Variants in COMMD10 observed in about 807,000 individuals in gnomAD.
The protein encoded by COMMD10 is COMM domain containing 10, also known as COMM domain-containing protein 10.
A neutral mutation model predicts 28.9 loss-of-function variants in COMMD10; 33 were observed. That is an observed-to-expected ratio of 1.14 (90% confidence interval 0.87 to 1.53). COMMD10 has a LOEUF of 1.53. Among genes scored for constraint, COMMD10 ranks in the 40% most tolerant of loss-of-function variants. COMMD10 has a pLI of 0.00. For synonymous variants in COMMD10, 110 were observed against 81.7 expected (o/e 1.35, Z -1.87); for missense variants, 310 against 233.4 (o/e 1.33, Z -2.14).
chr5:116,172,671 G>C (rs189653207), intron 5 of COMMD10, among the ~76,000 whole-genome samples: 3 of 152,116 alleles, frequency 2.0e-5, no homozygotes, highest in African/African-American at 7.2e-5. Context: ...ATACTCCAGG[G>C]TATCTTTTAG....
At chr5:116,236,504 CAAA>C (rs34066036) in intron 5 of COMMD10, among the ~76,000 whole-genome samples, 2 of 79,610 alleles carry the variant, frequency 2.5e-5, no homozygotes, top group Admixed American at 1.5e-4. Context: ...GACTCCGTCT[CAAA>C]AAAAAAAAAA....
rs776906455 is a variant in COMMD10 at position 116,265,210 on chromosome 5, C to T, written c.511-26307C>T. Among the ~76,000 whole-genome samples, 19 of 151,770 alleles carry T rather than the reference C, an allele frequency of 1.3e-4. 1 individual carries two copies. The highest frequency in any genetic ancestry group is 1.9e-4 in the Non-Finnish European group (13 of 68,006). ...TGTGGGAAAGGAGGCCAACTCTCCA[C>T]ATGCTCTTTCTGCTAGAGCATAATA... On this transcript the variant is annotated intron_variant, in intron 5 of 6. Coordinates refer to ENST00000274458, the MANE Select transcript of COMMD10 (RefSeq NM_016144.4).
At chr5:116,276,224 A>G (rs1404174555) in intron 5 of COMMD10, among the ~76,000 whole-genome samples, 4 of 151,604 alleles carry the variant, frequency 2.6e-5, no homozygotes, top group Admixed American at 6.6e-5. Flanking sequence ...ATATATAAGC[A>G]TGTGAAGCAT....
chr5:116,236,926 C>G (rs1749680422), intron 5 of COMMD10, among the ~76,000 whole-genome samples: 1 of 151,932 alleles, frequency 6.6e-6, no homozygotes, highest in African/African-American at 2.4e-5. Flanking sequence ...ATCTTCCTCT[C>G]AATTTTGCTG....
At chr5:116,105,920 C>A (rs994202686) in intron 4 of COMMD10, among the ~76,000 whole-genome samples, 1 of 141,698 alleles carries the variant, frequency 7.1e-6, no homozygotes, top group Non-Finnish European at 1.5e-5. Context: ...CTCCTGGATT[C>A]ATTGATTTTT....
intron 5 of COMMD10, among the ~76,000 whole-genome samples, chr5:116,169,212 A>G (rs1434875211): frequency 6.6e-6 from 1 of 152,204 alleles, no homozygotes; most frequent in African/African-American, 2.4e-5. Flanking sequence ...AGAGAATACT[A>G]TAAACACCTC....
At chr5:116,278,849 A>G (rs1234383656) in intron 5 of COMMD10, among the ~76,000 whole-genome samples, 1 of 151,828 alleles carries the variant, frequency 6.6e-6, no homozygotes, top group Admixed American at 6.6e-5. Flanking sequence ...TTTAGCCCAT[A>G]TATTTTCTGA....
At chr5:116,251,021 C>G (rs935141711) in intron 5 of COMMD10, among the ~76,000 whole-genome samples, 3 of 151,950 alleles carry the variant, frequency 2.0e-5, no homozygotes, top group African/African-American at 7.3e-5. Context: ...AGTGAAATTC[C>G]TGCCTAAAGT....
rs200284278 is a variant in COMMD10, at chr5:116,192,265, C to A, written c.510+58087C>A. Among the ~76,000 whole-genome samples the A allele has an allele frequency of 0.014, 1,078 of 74,538 alleles. 47 individuals are homozygous for A. The East Asian group carries it at 0.17, about 12-fold the overall frequency. 48.9% of individuals were successfully genotyped at this position (74,538 alleles called of 152,430 possible). A position where few individuals can be genotyped will look rare whatever the true frequency, so the allele number is the denominator to read the frequency against. On this transcript the variant is annotated intron_variant, in intron 5 of 6. Coordinates refer to ENST00000274458, the MANE Select transcript of COMMD10 (RefSeq NM_016144.4). ...GACAAAAGAAGGCTCTTTAACAACC[C>A]CCCCCCCCAAAAATAACACTAGTTC...
chr5:116,237,426 C>A (rs1749696487), intron 5 of COMMD10, among the ~76,000 whole-genome samples: 1 of 151,880 alleles, frequency 6.6e-6, no homozygotes. Context: ...TTACAAATCA[C>A]ATGATTTTCA....
At chr5:116,107,964 C>T (rs1034559831) in intron 4 of COMMD10, among the ~76,000 whole-genome samples, 4 of 152,184 alleles carry the variant, frequency 2.6e-5, no homozygotes, top group Non-Finnish European at 5.9e-5. Context: ...GCTGGATGTC[C>T]ACTCCAGACC....
At chr5:116,175,387 G>A (rs1190244435) in intron 5 of COMMD10, among the ~76,000 whole-genome samples, 1 of 152,072 alleles carries the variant, frequency 6.6e-6, no homozygotes, top group African/African-American at 2.4e-5. Flanking sequence ...TTAAATGGCA[G>A]CATGAAAAGA....
Position 116,094,556 on chromosome 5 carries a change from CAT to C in COMMD10, c.399+1859_399+1860del, listed in dbSNP as rs1261179035. 5.3e-5 allele frequency among the ~76,000 whole-genome samples: 8 copies of C among 152,250 alleles called. No individual in the cohort carries two copies. The East Asian group carries it at 1.5e-3, about 29-fold the overall frequency. On this transcript the variant is annotated intron_variant, in intron 4 of 6. Coordinates refer to ENST00000274458, the MANE Select transcript of COMMD10 (RefSeq NM_016144.4). ...GAGGATGTGGAGAAAAGGGAACTCT[CAT>C]ATGCTTTTGGTGGCAATGTATATTA...
At chr5:116,125,494 G>A (rs1004918197) in intron 4 of COMMD10, among the ~76,000 whole-genome samples, 1 of 151,834 alleles carries the variant, frequency 6.6e-6, no homozygotes, top group Admixed American at 6.6e-5. Flanking sequence ...TTTTTCCTTT[G>A]TTTCAACTCT....
chr5:116,128,497 A>T (rs1451788579), intron 4 of COMMD10, among the ~76,000 whole-genome samples: 1 of 151,062 alleles, frequency 6.6e-6, no homozygotes, highest in Non-Finnish European at 1.5e-5. Context: ...TACACAGGAT[A>T]GTTTTATTTT....
chr5:116,129,351 A>G (rs1023915466), intron 4 of COMMD10, among the ~76,000 whole-genome samples: 3 of 145,860 alleles, frequency 2.1e-5, no homozygotes, highest in Non-Finnish European at 3.0e-5. Context: ...AGTATAGTAT[A>G]TATATGCTAT....
chr5:116,165,475 C>A (rs1295264449), intron 5 of COMMD10, among the ~76,000 whole-genome samples: 1 of 152,160 alleles, frequency 6.6e-6, no homozygotes, highest in African/African-American at 2.4e-5. Context: ...ATTTATTTCT[C>A]ACAGTTCTGG....
chr5:116,100,020 A>G (rs1750605542), intron 4 of COMMD10, among the ~76,000 whole-genome samples: 1 of 152,166 alleles, frequency 6.6e-6, no homozygotes, highest in Non-Finnish European at 1.5e-5. Context: ...TATGTTTCAA[A>G]TACACCTTAT....
intron 5 of COMMD10, among the ~76,000 whole-genome samples, chr5:116,145,267 C>G (rs1044157369): frequency 6.6e-6 from 1 of 151,784 alleles, no homozygotes; most frequent in African/African-American, 2.4e-5. Context: ...GCTGATTGCC[C>G]AATTGTGATT....
Sources: allele counts gnomAD v4.1 joint callset (sites outside exome capture counted in the v4.1 genomes callset), GRCh38; gene constraint gnomAD v4.1.1; transcripts MANE v1.5; gene names NCBI Gene and HGNC (gene_info 2026-07-23, HGNC 2026-07-21).